Variants in COL7A1 observed in about 807,000 individuals in gnomAD.
COL7A1 encodes collagen alpha-1(VII) chain.
COL7A1 carries 296 observed loss-of-function variants against 456.2 expected under a neutral mutation model. The observed-to-expected ratio is 0.65, with a 90% CI of 0.59 to 0.71. The LOEUF (loss-of-function observed/expected upper bound fraction) is 0.71. COL7A1 is among the 30% of genes least tolerant of loss of function. COL7A1 has a pLI of 0.00. For synonymous variants in COL7A1, 1,464 were observed against 1,525.9 expected, an observed-to-expected ratio of 0.96 and a Z score of 0.95; for missense variants, 3,441 against 4,017.2, an observed-to-expected ratio of 0.86 and a Z score of 3.88.
chr3:48,571,752 C>G lies in COL7A1; in HGVS notation c.7068+249G>C, dbSNP rs1427136413. 1 of 632,106 alleles carries G rather than the reference C, an allele frequency of 1.6e-6. No individual in the cohort carries two copies. Among genetic ancestry groups the G allele is most frequent in the African/African-American group, 1.8e-5 (1 of 55,200 alleles). 39.2% of individuals were successfully genotyped at this position (632,106 alleles called of 1,614,324 possible). On this transcript the variant is annotated intron_variant, in intron 92 of 118. Transcript: ENST00000681320. This position sits in a 1 kb window ranked among gnomAD's most constrained non-coding sequence, Gnocchi z 4.6. ...ATCTGGGAGATCAGACCAGAGCACA[C>G]GTGTGCCCAGATGTGGTGAGAAACA...
At position 48,567,936 on chromosome 3, in the gene COL7A1, C is replaced by T. The variant is rs1179143664; in HGVS notation, c.7876-45G>A. 6.8e-6 allele frequency: 11 copies of T among 1,611,844 alleles called. No homozygotes were observed. Among genetic ancestry groups the T allele is most frequent in the Admixed American group, 1.7e-5 (1 of 59,968 alleles). On this transcript the variant is annotated intron_variant, in intron 106 of 118. Coordinates refer to ENST00000681320, the MANE Select transcript of COL7A1 (RefSeq NM_000094.4). This position sits in a 1 kb window ranked among gnomAD's most constrained non-coding sequence, Gnocchi z 4.3. ...GAAGAAGTGATTCCCAGACACCTCA[C>T]TCTGTGACCCCCTTCACCCTGAAAC...
chr3:48,586,818 A>AG lies in COL7A1; in HGVS notation c.3277-130dup. On this transcript the variant is annotated intron_variant, in intron 25 of 118. Coordinates refer to ENST00000681320, the MANE Select transcript of COL7A1 (RefSeq NM_000094.4). The surrounding 1 kb of genome is among the most constrained non-coding windows in gnomAD (Gnocchi z 5.1). ...CTATTAGGGAGTCAGCAGTGATGGC[A>AG]GGATAGGGAGCCAGGCAGTAGGTGA... The AG allele has an allele frequency of 1.3e-6, 2 of 1,501,946 alleles. No homozygotes were observed. The highest frequency in any genetic ancestry group is 2.5e-5 in the South Asian group (2 of 81,134). 93.0% of individuals were successfully genotyped at this position (1,501,946 alleles called of 1,614,324 possible). A position where few individuals can be genotyped will look rare whatever the true frequency, so the allele number is the denominator to read the frequency against.
In COL7A1 at chr3:48,595,268, C is replaced by G; in HGVS notation, c.-2G>C. On this transcript the variant is annotated splice_region_variant and 5_prime_UTR_variant, in exon 1 of 119. Transcript: ENST00000681320. Reference sequence around the variant, plus strand: ...CCTCCAGCCCGAGTCCTGGTCTTGCCTGCGCGTCCGCCCGCTCCCGCCGCC... The same window carrying G: ...CCTCCAGCCCGAGTCCTGGTCTTGCGTGCGCGTCCGCCCGCTCCCGCCGCC... 4 of 910,568 alleles carry G rather than the reference C, an allele frequency of 4.4e-6. No individual in the cohort carries two copies. The highest frequency in any genetic ancestry group is 6.9e-6 in the Non-Finnish European group (4 of 575,686). 56.4% of individuals were successfully genotyped at this position (910,568 alleles called of 1,614,324 possible).
At position 48,584,901 on chromosome 3, in the gene COL7A1, G is replaced by C. The variant is rs1283623502; in HGVS notation, c.4011+9C>G. Reference sequence around the variant, plus strand: ...ACACTTAGAGAGCAAAGAAGGGAAGGCACCTTACCGGGTCCCCACGAGGGC... The same window carrying C: ...ACACTTAGAGAGCAAAGAAGGGAAGCCACCTTACCGGGTCCCCACGAGGGC... On this transcript the variant is annotated intron_variant, in intron 34 of 118. Coordinates refer to ENST00000681320, the MANE Select transcript of COL7A1 (RefSeq NM_000094.4). 1 of 1,614,058 alleles carries C rather than the reference G, an allele frequency of 6.2e-7. No homozygotes were observed. Among genetic ancestry groups the C allele is most frequent in the South Asian group, 1.1e-5 (1 of 91,088 alleles).
Position 48,566,207 on chromosome 3 carries a change from G to T in COL7A1, c.8407+60C>A. On this transcript the variant is annotated intron_variant, in intron 114 of 118. Transcript: ENST00000681320. This position sits in a 1 kb window ranked among gnomAD's most constrained non-coding sequence, Gnocchi z 5.9. Reference sequence around the variant, plus strand: ...CTTGCCCTGTAAGTTCTAGGGGCCTGCCTGCCCTTGCCTAGGGTGCTGGGG... The same window carrying T: ...CTTGCCCTGTAAGTTCTAGGGGCCTTCCTGCCCTTGCCTAGGGTGCTGGGG... 6.5e-7 allele frequency: 1 copy of T among 1,550,022 alleles called. No individual in the cohort carries two copies. The highest frequency in any genetic ancestry group is 1.4e-5 in the African/African-American group (1 of 73,820).
At position 48,580,705 on chromosome 3, in the gene COL7A1, C is replaced by T; in HGVS notation, c.4981-53G>A. On this transcript the variant is annotated intron_variant, in intron 54 of 118. Transcript: ENST00000681320. The surrounding 1 kb of genome is among the most constrained non-coding windows in gnomAD (Gnocchi z 4.5). ...ACCCTCCCAATATTTTGCAGGTGCC[C>T]CTATGACCCGCTACACTGCCCCAGG... 6.3e-7 allele frequency: 1 copy of T among 1,599,524 alleles called. No homozygotes were observed. The highest frequency in any genetic ancestry group is 8.6e-7 in the Non-Finnish European group (1 of 1,167,822).
At position 48,574,255 on chromosome 3, in the gene COL7A1, C is replaced by A; in HGVS notation, c.6501+7G>T. 3 of 1,614,032 alleles carry A rather than the reference C, an allele frequency of 1.9e-6. No individual in the cohort carries two copies. The highest frequency in any genetic ancestry group is 2.5e-6 in the Non-Finnish European group (3 of 1,180,002). On this transcript the variant is annotated splice_region_variant and intron_variant, in intron 80 of 118. Transcript: ENST00000681320. The surrounding 1 kb of genome is among the most constrained non-coding windows in gnomAD (Gnocchi z 5.0). ...GCCTGGGGCCAGGTGCTTCAGCCAC[C>A]ACTCACCGGCTTCCCTTCAGGCCCA... is the stretch of plus-strand genomic sequence containing the variant.
intron 65 of COL7A1, 136 bp from the exon 66 acceptor site, chr3:48,577,163 G>C (rs1018987645): frequency 1.6e-6 from 2 of 1,248,102 alleles, no homozygotes; most frequent in East Asian, 4.8e-5. Flanking sequence ...TTGGAGCATG[G>C]CCTGTGGCCG....
chr3:48,591,941 C>T lies in COL7A1; in HGVS notation c.1314G>A (p.Val438=). The change falls in exon 11 of 119, where the codon GTG becomes GTA. Residue 438 remains valine, a synonymous_variant. Coordinates refer to ENST00000681320, the MANE Select transcript of COL7A1 (RefSeq NM_000094.4). This position sits in a 1 kb window ranked among gnomAD's most constrained non-coding sequence, Gnocchi z 7.0. ...CCAACCGGTAGCCACGGGCCTCAGG[C>T]ACCAAGTTCCAGGAAAGGAGGATGG... ...PTSILLSWNL[V]PEARGYRLEW... 6.2e-7 allele frequency: 1 copy of T among 1,614,210 alleles called. No homozygotes were observed. The highest frequency in any genetic ancestry group is 8.5e-7 in the Non-Finnish European group (1 of 1,180,034).
Position 48,567,630 on chromosome 3 carries a change from G to A in COL7A1, c.7990C>T (p.Pro2664Ser), listed in dbSNP as rs2043665076. ...LAGHKGEMGE[P>S]GVPGQSGAPG... Reference sequence around the variant, plus strand: ...GCCCCCGACTGGCCCGGCACACCAGGCTCCCCCTGGAGAAAAAAAGACATG... The same window carrying A: ...GCCCCCGACTGGCCCGGCACACCAGACTCCCCCTGGAGAAAAAAAGACATG... The change falls in exon 109 of 119, where the codon CCT becomes TCT. Residue 2664 changes from proline to serine, a missense_variant. Physicochemically the swap from Pro to Ser is moderately conservative, Grantham distance 74. Around this residue, in one of 3 missense-constraint regions of COL7A1, gnomAD observed 2,084 missense variants for 2,501.3 expected, o/e 0.83. Transcript: ENST00000681320. The surrounding 1 kb of genome is among the most constrained non-coding windows in gnomAD (Gnocchi z 4.3). 1 of 1,613,484 alleles carries A rather than the reference G, an allele frequency of 6.2e-7. No homozygotes were observed. Among genetic ancestry groups the A allele is most frequent in the Non-Finnish European group, 8.5e-7 (1 of 1,179,926 alleles).
In COL7A1 at chr3:48,593,170, C is replaced by T; in HGVS notation, c.614G>A (p.Arg205Lys). ...FFFVNDFSIL[R>K]TLLPLVSRRV... is the part of the protein sequence containing the mutation. ...CCGGGAAACGAGGGGCAGTAGTGTC[C>T]TCAAGATGCTGAAGTCATTGACGAA... Residue 205 changes from arginine (R) to lysine (K), a missense_variant, in exon 6 of 119, where the codon AGG becomes AAG. This residue lies in a region of COL7A1 where 913 missense variants were observed against 1,088.2 expected (regional missense o/e 0.84). Coordinates refer to ENST00000681320, the MANE Select transcript of COL7A1 (RefSeq NM_000094.4). This position sits in a 1 kb window ranked among gnomAD's most constrained non-coding sequence, Gnocchi z 4.4. 6.2e-7 allele frequency: 1 copy of T among 1,614,128 alleles called. No individual in the cohort carries two copies. Among genetic ancestry groups the T allele is most frequent in the South Asian group, 1.1e-5 (1 of 91,068 alleles).
chr3:48,564,090 C>A lies in COL7A1; in HGVS notation c.*316G>T, dbSNP rs1222557762. The stretch of plus-strand genomic sequence containing the variant: ...CAACAGGAGCCTTTTAAAACAGCAG[C>A]TTTAATGCCCCCCAGAATCAGCACC... On this transcript the variant is annotated 3_prime_UTR_variant, in exon 119 of 119. Transcript: ENST00000681320. This position sits in a 1 kb window ranked among gnomAD's most constrained non-coding sequence, Gnocchi z 6.0. The A allele has an allele frequency of 6.4e-6, 3 of 472,420 alleles. No individual in the cohort carries two copies. Among genetic ancestry groups the A allele is most frequent in the Non-Finnish European group, 1.2e-5 (3 of 254,780 alleles). The allele number at this position is 472,420 out of a possible 1,614,324, so 29.3% of individuals were successfully genotyped here. A position where few individuals can be genotyped will look rare whatever the true frequency, so the allele number is the denominator to read the frequency against.
At position 48,565,834 on chromosome 3, in the gene COL7A1, T is replaced by G. The variant is rs1051805649; in HGVS notation, c.8408-166A>C. On this transcript the variant is annotated intron_variant, in intron 114 of 118. Coordinates refer to ENST00000681320, the MANE Select transcript of COL7A1 (RefSeq NM_000094.4). The surrounding 1 kb of genome is among the most constrained non-coding windows in gnomAD (Gnocchi z 4.5). ...AGAGGGTGGGAGGTAGATAGAGAGA[T>G]GGAAAAAGAGAAGAAGGCAGAGGAG... Among the ~76,000 whole-genome samples, 2 of 150,232 alleles carry G rather than the reference T, an allele frequency of 1.3e-5. No homozygotes were observed. Among genetic ancestry groups the G allele is most frequent in the Admixed American group, 1.3e-4 (2 of 15,122 alleles).
In COL7A1 at chr3:48,588,004, G is replaced by A; in HGVS notation, c.2711-65C>T. 6.6e-7 allele frequency: 1 copy of A among 1,519,900 alleles called. No individual in the cohort carries two copies. Among genetic ancestry groups the A allele is most frequent in the Non-Finnish European group, 8.9e-7 (1 of 1,123,748 alleles). The allele number at this position is 1,519,900 out of a possible 1,614,324, so 94.2% of individuals were successfully genotyped here. A position where few individuals can be genotyped will look rare whatever the true frequency, so the allele number is the denominator to read the frequency against. On this transcript the variant is annotated intron_variant, in intron 21 of 118. Transcript: ENST00000681320. The surrounding 1 kb of genome is among the most constrained non-coding windows in gnomAD (Gnocchi z 4.6). The stretch of plus-strand genomic sequence containing the variant: ...ATAGTGACACCTGGGGGCATTAAAG[G>A]GCCTGCCCACTTCACTGGCTCTGTT...
At position 48,588,229 on chromosome 3, in the gene COL7A1, G is replaced by A. The variant is rs2045423502; in HGVS notation, c.2710+53C>T. On this transcript the variant is annotated intron_variant, in intron 21 of 118. Coordinates refer to ENST00000681320, the MANE Select transcript of COL7A1 (RefSeq NM_000094.4). This position sits in a 1 kb window ranked among gnomAD's most constrained non-coding sequence, Gnocchi z 4.6. ...TGTCCTCGCCTACCTTGCGGAGTCT[G>A]CCACAGCCCTGCCCCCAATGGTCCC... 6 of 1,612,274 alleles carry A rather than the reference G, an allele frequency of 3.7e-6. No individual in the cohort carries two copies. Among genetic ancestry groups the A allele is most frequent in the Non-Finnish European group, 5.1e-6 (6 of 1,179,832 alleles).
In COL7A1 at chr3:48,579,762, C is replaced by T; in HGVS notation, c.5154+23G>A. 6.2e-7 allele frequency: 1 copy of T among 1,614,042 alleles called. No individual in the cohort carries two copies. Among genetic ancestry groups the T allele is most frequent in the Middle Eastern group, 1.6e-4 (1 of 6,062 alleles). On this transcript the variant is annotated intron_variant, in intron 58 of 118. Coordinates refer to ENST00000681320, the MANE Select transcript of COL7A1 (RefSeq NM_000094.4). This position sits in a 1 kb window ranked among gnomAD's most constrained non-coding sequence, Gnocchi z 4.4. ...GGAGGGGCACTGGGGTCTTTCTTACCCTCCACCCACAGACCCTAATACCTT... is the reference window on the plus strand; with the variant it reads ...GGAGGGGCACTGGGGTCTTTCTTACTCTCCACCCACAGACCCTAATACCTT...
chr3:48,593,140 A>T lies in COL7A1; in HGVS notation c.644T>A (p.Val215Glu), dbSNP rs1427020314. ...AGGCACGCCACCAGCAGTCGTGCACACTCTCCGGGAAACGAGGGGCAGTAG... is the reference window on the plus strand; with the variant it reads ...AGGCACGCCACCAGCAGTCGTGCACTCTCTCCGGGAAACGAGGGGCAGTAG... The part of the protein sequence containing the change: ...RTLLPLVSRR[V>E]CTTAGGVPVT... Residue 215 changes from valine to glutamate, a missense_variant, in exon 6 of 119, where the codon GTG becomes GAG. This residue lies in a region of COL7A1 where 913 missense variants were observed against 1,088.2 expected (regional missense o/e 0.84). Transcript: ENST00000681320. This position sits in a 1 kb window ranked among gnomAD's most constrained non-coding sequence, Gnocchi z 4.4. The T allele has an allele frequency of 6.2e-7, 1 of 1,613,844 alleles. No homozygotes were observed. Among genetic ancestry groups the T allele is most frequent in the Admixed American group, 1.7e-5 (1 of 60,002 alleles).
rs762471976 is a variant in COL7A1, at chr3:48,576,429, G to A, written c.5743C>T (p.Arg1915Cys). 14 of 1,613,556 alleles carry A rather than the reference G, an allele frequency of 8.7e-6. No homozygotes were observed. Among genetic ancestry groups the A allele is most frequent in the Middle Eastern group, 1.6e-4 (1 of 6,084 alleles). ...TCCCCTTTGGATCCAGTCTCCCCACGGTCACCCTGAAAACAAGAATGACCA... is the reference window on the plus strand; with the variant it reads ...TCCCCTTTGGATCCAGTCTCCCCACAGTCACCCTGAAAACAAGAATGACCA... ...VPGGTGPKGD[R>C]GETGSKGEQG... is the part of the protein sequence containing the mutation. The change falls in exon 70 of 119, where the codon CGT becomes TGT. Residue 1915 changes from arginine to cysteine, a missense_variant. Arg to Cys is a radical substitution (Grantham distance 180, BLOSUM62 -3). This residue lies in a region of COL7A1 where 2,084 missense variants were observed against 2,501.3 expected (regional missense o/e 0.83). Transcript: ENST00000681320.
In COL7A1 at chr3:48,575,435, C is replaced by G. The variant is rs1305560204; in HGVS notation, c.6084G>C (p.Gly2028=). Residue 2028 remains glycine, a synonymous_variant, in exon 74 of 119, where the codon GGG becomes GGC. Transcript: ENST00000681320. This position sits in a 1 kb window ranked among gnomAD's most constrained non-coding sequence, Gnocchi z 6.3. ...GLALGERGPP[G]PSGLAGEPGK... ...CAGGCTCCCCGGCAAGGCCGGAAGG[C>G]CCGGGGGGGCCCCTCTCCCCAAGGG... 6.2e-7 allele frequency: 1 copy of G among 1,609,640 alleles called. No individual in the cohort carries two copies. The highest frequency in any genetic ancestry group is 1.7e-5 in the Admixed American group (1 of 59,700).
Sources: gnomAD v4.1 joint callset for allele counts (sites outside exome capture counted in the v4.1 genomes callset) on GRCh38, gnomAD v4.1.1 for gene constraint, gnomAD v4.1.1 regional missense constraint, Gnocchi (gnomAD v3.1) non-coding constraint, MANE v1.5 for transcripts, NCBI Gene and HGNC (gene_info 2026-07-23, HGNC 2026-07-21) for gene names.